CEP78: variants seen among roughly 807,000 people sequenced by gnomAD.
CEP78 encodes centrosomal protein 78, also known as centrosomal protein of 78 kDa.
Under a neutral mutation model 81.2 loss-of-function variants are expected in CEP78, and 76 were observed. The ratio of observed to expected loss-of-function variants is 0.94; its 90% CI spans 0.78 to 1.13. The LOEUF (loss-of-function observed/expected upper bound fraction) is 1.13, where lower values mean the gene tolerates loss of function less well. Among genes scored for constraint, CEP78 ranks in the 50% most tolerant of loss-of-function variants. CEP78 has a pLI of 0.00. For synonymous variants in CEP78, 293 were observed against 301.4 expected (o/e 0.97, Z 0.29); for missense variants, 918 against 846.8 (o/e 1.08, Z -1.04).
chr9:78,239,908 GCTTAAGAGGA>G, intron 1 of CEP78, 105 bp from the exon 2 acceptor site: 1 of 822,238 alleles, frequency 1.2e-6, no homozygotes, highest in Non-Finnish European at 1.8e-6. Context: ...ATGTGTCTGT[GCTTAAGAGGA>G]CTTTAAAGGA....
Position 78,277,208 on chromosome 9 carries a change from C to T in CEP78, c.*6357C>T, listed in dbSNP as rs909443438. 6.6e-6 allele frequency: 1 copy of T among 151,284 alleles called. No homozygotes were observed. The highest frequency in any genetic ancestry group is 1.5e-5 in the Non-Finnish European group (1 of 67,778). The allele number at this position is 151,284 out of a possible 1,614,324, so 9.4% of individuals were successfully genotyped here. A position where few individuals can be genotyped will look rare whatever the true frequency, so the allele number is the denominator to read the frequency against. ...AATTAAAAATAACTAGAAGAAAATA[C>T]TGGAAAAAAATTGTAATAAATGTGT... On this transcript the variant is annotated 3_prime_UTR_variant, in exon 17 of 17. Coordinates refer to ENST00000643273, the MANE Select transcript of CEP78 (RefSeq NM_001330691.3).
chr9:78,266,457 G>A lies in CEP78; in HGVS notation c.1861G>A (p.Gly621Ser). ...GTLMKFQKIT[G>S]DARIPLPLDS... is the part of the protein sequence containing the mutation. ...TTCCTTCTAGTTTCAGAAAATTACA[G>A]GTGATGCTAGAATTCCTTTGCCTCT... is the stretch of plus-strand genomic sequence containing the variant. Residue 621 changes from glycine to serine, a missense_variant, in exon 16 of 17, where the codon GGT becomes AGT. By Grantham distance (56) the Gly-to-Ser change is moderately conservative (BLOSUM62 0). Coordinates refer to ENST00000643273, the MANE Select transcript of CEP78 (RefSeq NM_001330691.3). 1 of 1,598,812 alleles carries A rather than the reference G, an allele frequency of 6.3e-7. No homozygotes were observed.
At chr9:78,250,391 T>G in intron 8 of CEP78, 1 of 393,858 alleles carries the variant, frequency 2.5e-6, no homozygotes, top group Non-Finnish European at 4.5e-6. Context: ...GATAGGAAAC[T>G]TTATAATTTT....
intron 1 of CEP78, 90 bp from the exon 2 acceptor site, chr9:78,239,933 G>A (rs1341657516): frequency 9.0e-7 from 1 of 1,113,010 alleles, no homozygotes; most frequent in East Asian, 2.7e-5. Context: ...AAAGGACATG[G>A]CTCATTTCTA....
rs749928136 is a variant in CEP78, at chr9:78,240,215, G to A, written c.426+20G>A. On this transcript the variant is annotated intron_variant, in intron 2 of 16. Coordinates refer to ENST00000643273, the MANE Select transcript of CEP78 (RefSeq NM_001330691.3). ...GCAAAGGTAAGCTTTGTCTCATTTGGCTTGTAGACATTTGATAGTTGCTTT... is the reference window on the plus strand; with the variant it reads ...GCAAAGGTAAGCTTTGTCTCATTTGACTTGTAGACATTTGATAGTTGCTTT... 1 of 1,612,624 alleles carries A rather than the reference G, an allele frequency of 6.2e-7. No homozygotes were observed. The highest frequency in any genetic ancestry group is 1.1e-5 in the South Asian group (1 of 90,984).
intron 3 of CEP78, among the ~76,000 whole-genome samples, chr9:78,241,462 G>A (rs924859473): frequency 6.6e-6 from 1 of 152,134 alleles, no homozygotes; most frequent in Non-Finnish European, 1.5e-5. Flanking sequence ...GCAATATTCA[G>A]TCTATTCAAT....
intron 9 of CEP78, 122 bp from the exon 10 acceptor site, chr9:78,253,110 A>G: frequency 1.6e-6 from 1 of 609,686 alleles, no homozygotes; most frequent in Non-Finnish European, 3.0e-6. Flanking sequence ...TTTGGAAGTG[A>G]TTTATCTCTA....
chr9:78,243,577 T>G lies in CEP78; in HGVS notation c.719T>G (p.Ile240Ser). The change falls in exon 5 of 17, where the codon ATT becomes AGT. Residue 240 changes from isoleucine (I) to serine (S), a missense_variant. Physicochemically the swap from Ile to Ser is moderately radical, Grantham distance 142 (BLOSUM62 -2). Coordinates refer to ENST00000643273, the MANE Select transcript of CEP78 (RefSeq NM_001330691.3). ...ATCACACTGAATTGCAACACACTTA[T>G]TGGTGACCTAGGTGCATGTGCTTTT... ...RRITLNCNTL[I>S]GDLGACAFAD... is the part of the protein sequence containing the mutation. 3.1e-6 allele frequency: 5 copies of G among 1,613,928 alleles called. No individual in the cohort carries two copies. The highest frequency in any genetic ancestry group is 4.2e-6 in the Non-Finnish European group (5 of 1,179,850).
chr9:78,249,438 T>C (rs973654412), intron 8 of CEP78: 2 of 152,166 alleles, frequency 1.3e-5, no homozygotes, highest in African/African-American at 4.8e-5. Context: ...TACCCAGAGA[T>C]GGAACATTTT....
chr9:78,272,888 T>G lies in CEP78; in HGVS notation c.*2037T>G, dbSNP rs1827724004. Reference sequence around the variant, plus strand: ...TGCAGCATATATTGTGACTTAAAGCTTCTGTCTAGATGTGACATATGTCAC... The same window carrying G: ...TGCAGCATATATTGTGACTTAAAGCGTCTGTCTAGATGTGACATATGTCAC... On this transcript the variant is annotated 3_prime_UTR_variant, in exon 17 of 17. Transcript: ENST00000643273. 6.6e-6 allele frequency: 1 copy of G among 152,170 alleles called. No individual in the cohort carries two copies. Among genetic ancestry groups the G allele is most frequent in the African/African-American group, 2.4e-5 (1 of 41,440 alleles). The allele number at this position is 152,170 out of a possible 1,614,324, so 9.4% of individuals were successfully genotyped here. A position where few individuals can be genotyped will look rare whatever the true frequency, so the allele number is the denominator to read the frequency against.
At chr9:78,260,569 T>C (rs1196906165) in intron 11 of CEP78, among the ~76,000 whole-genome samples, 2 of 151,940 alleles carry the variant, frequency 1.3e-5, no homozygotes, top group African/African-American at 4.8e-5. Flanking sequence ...TAGCTGTGCG[T>C]GGTGGCGGAC....
At chr9:78,260,768 T>C (rs1186878488) in intron 11 of CEP78, among the ~76,000 whole-genome samples, 2 of 150,708 alleles carry the variant, frequency 1.3e-5, no homozygotes, top group Non-Finnish European at 1.5e-5. Context: ...AATGGAAGAA[T>C]GTCTAACATA....
chr9:78,268,003 G>C (rs1827604411), intron 16 of CEP78, among the ~76,000 whole-genome samples: 1 of 152,004 alleles, frequency 6.6e-6, no homozygotes, highest in African/African-American at 2.4e-5. Context: ...CAATGAACAA[G>C]ATGTAATCTT....
chr9:78,236,969 CTTTTT>C (rs71360676), intron 1 of CEP78, among the ~76,000 whole-genome samples: 3,013 of 61,632 alleles, frequency 0.049, 15 homozygotes, highest in Admixed American at 0.089. Flanking sequence ...CAGCCTTTGT[CTTTTT>C]TTTTTTTTTT....
rs754595005 is a variant in CEP78 at position 78,240,338 on chromosome 9, G to T, written c.473G>T (p.Cys158Phe). 5.0e-6 allele frequency: 8 copies of T among 1,591,356 alleles called. No individual in the cohort carries two copies. The Admixed American group carries it at 1.2e-4, about 25-fold the overall frequency. The change falls in exon 3 of 17, where the codon TGT (cysteine) becomes TTT (phenylalanine). Residue 158 changes from cysteine to phenylalanine, a missense_variant. Physicochemically the swap from Cys to Phe is radical, Grantham distance 205 (BLOSUM62 -2). Transcript: ENST00000643273. ...TTGGTGCACCTGTCTCTTGCAAATTGTCCAATTGGAGATGGAGGTTTAGAA... is the reference window on the plus strand; with the variant it reads ...TTGGTGCACCTGTCTCTTGCAAATTTTCCAATTGGAGATGGAGGTTTAGAA... The part of the protein sequence containing the change: ...ASLVHLSLAN[C>F]PIGDGGLEII...
chr9:78,242,879 G>C (rs1587557255), intron 4 of CEP78, among the ~76,000 whole-genome samples: 1 of 152,222 alleles, frequency 6.6e-6, no homozygotes, highest in Admixed American at 6.5e-5. Context: ...CTCTAAATTT[G>C]GTGTGCATAC....
At chr9:78,241,381 A>AT (rs1464164489) in intron 3 of CEP78, among the ~76,000 whole-genome samples, 4 of 151,112 alleles carry the variant, frequency 2.6e-5, no homozygotes, top group Non-Finnish European at 4.5e-5. Context: ...GAAGAGTTTT[A>AT]TTTTTTTTAT....
In CEP78 at chr9:78,275,718, CCAG is replaced by C. The variant is rs1827788646; in HGVS notation, c.*4871_*4873del. On this transcript the variant is annotated 3_prime_UTR_variant, in exon 17 of 17. Coordinates refer to ENST00000643273, the MANE Select transcript of CEP78 (RefSeq NM_001330691.3). ...CACCAAAGTGGGAACATTGCTGAGA[CCAG>C]CAGTTTGAGACCAGCCTGGGCAAGA... is the stretch of plus-strand genomic sequence containing the variant. 6.6e-6 allele frequency: 1 copy of C among 151,680 alleles called. No individual in the cohort carries two copies. The highest frequency in any genetic ancestry group is 6.6e-5 in the Admixed American group (1 of 15,230). 9.4% of individuals were successfully genotyped at this position (151,680 alleles called of 1,614,324 possible).
At chr9:78,255,426 C>T (rs1826973731) in intron 11 of CEP78, among the ~76,000 whole-genome samples, 2 of 151,966 alleles carry the variant, frequency 1.3e-5, no homozygotes, top group Admixed American at 1.3e-4. Flanking sequence ...TATATACTTA[C>T]ATGTAGCTTA....
Sources: allele counts gnomAD v4.1 joint callset (sites outside exome capture counted in the v4.1 genomes callset), GRCh38; gene constraint gnomAD v4.1.1; transcripts MANE v1.5; gene names NCBI Gene and HGNC (gene_info 2026-07-23, HGNC 2026-07-21).